Variants in SPAG16 observed in about 807,000 individuals in gnomAD.
The protein encoded by SPAG16 is sperm-associated antigen 16 protein.
In SPAG16, 86 loss-of-function variants were observed where a neutral mutation model predicts 80.4. The observed-to-expected ratio is 1.07, with a 90% CI of 0.90 to 1.28. The LOEUF is 1.28. Ranked by LOEUF, SPAG16 falls within the 50% of genes most tolerant of loss-of-function variation. SPAG16 has a pLI of 0.00. For missense variants in SPAG16, 870 were observed against 765.3 expected (o/e 1.14, Z -1.61); for synonymous variants, 294 against 265.9 (o/e 1.11, Z -1.03).
At chr2:214,405,153 C>CT (rs767236537) in intron 15 of SPAG16, among the ~76,000 whole-genome samples, 1 of 152,012 alleles carries the variant, frequency 6.6e-6, no homozygotes, top group Admixed American at 6.6e-5. Context: ...GAGACAGGGA[C>CT]TTGCGCTACC....
chr2:213,951,428 G>C (rs2079771941), intron 12 of SPAG16, among the ~76,000 whole-genome samples: 1 of 152,088 alleles, frequency 6.6e-6, no homozygotes, highest in Non-Finnish European at 1.5e-5. Context: ...CTTAAAGGTA[G>C]AGAAACATTC....
At chr2:213,688,550 A>C (rs1265550954) in intron 10 of SPAG16, among the ~76,000 whole-genome samples, 1 of 152,212 alleles carries the variant, frequency 6.6e-6, no homozygotes, top group Non-Finnish European at 1.5e-5. Context: ...TCAGATTGGA[A>C]AGTAAGTCAC....
chr2:213,775,955 CTA>C (rs1352297435), intron 10 of SPAG16, among the ~76,000 whole-genome samples: 1 of 152,186 alleles, frequency 6.6e-6, no homozygotes, highest in Non-Finnish European at 1.5e-5. Context: ...CTCCAAATAG[CTA>C]TGATTGCTTT....
chr2:214,410,242 C>T lies in SPAG16; in HGVS notation c.1823C>T (p.Thr608Met), dbSNP rs887882346. ...KLMGHENEAHTVVFSHDGEIL... is the reference protein window; with the variant it reads ...KLMGHENEAHMVVFSHDGEIL... ...ATGGGCCACGAAAACGAGGCACACA[C>T]GGTTGTGTTTTCTCACGACGGGGAG... Residue 608 changes from threonine to methionine, a missense_variant, in exon 16 of 16, where the codon ACG (threonine) becomes ATG (methionine). Coordinates refer to ENST00000331683, the MANE Select transcript of SPAG16 (RefSeq NM_024532.5). 1 of 1,612,062 alleles carries T rather than the reference C, an allele frequency of 6.2e-7. No individual in the cohort carries two copies. The highest frequency in any genetic ancestry group is 1.7e-5 in the Admixed American group (1 of 59,958).
At chr2:213,501,508 T>G (rs1157282486) in intron 10 of SPAG16, among the ~76,000 whole-genome samples, 1 of 152,224 alleles carries the variant, frequency 6.6e-6, no homozygotes, top group East Asian at 1.9e-4. Flanking sequence ...TGCAAAACAC[T>G]ATCAGGGAAC....
intron 6 of SPAG16, among the ~76,000 whole-genome samples, chr2:213,350,031 C>CT (rs1205661777): frequency 1.3e-4 from 20 of 152,074 alleles, no homozygotes; most frequent in African/African-American, 4.8e-4. Flanking sequence ...ATATACTAGG[C>CT]TGAATTATTC....
intron 13 of SPAG16, among the ~76,000 whole-genome samples, chr2:214,053,135 G>C (rs897766039): frequency 1.3e-5 from 2 of 152,152 alleles, no homozygotes; most frequent in Admixed American, 1.3e-4. Context: ...AGAAAGACAA[G>C]GAAGGCATGC....
At chr2:214,018,226 G>T (rs763148249) in intron 13 of SPAG16, among the ~76,000 whole-genome samples, 1 of 151,934 alleles carries the variant, frequency 6.6e-6, no homozygotes, top group Non-Finnish European at 1.5e-5. Context: ...CAACTGTGGC[G>T]ACTTCATTTC....
chr2:214,218,051 A>G (rs983181372), intron 15 of SPAG16, among the ~76,000 whole-genome samples: 5 of 152,222 alleles, frequency 3.3e-5, no homozygotes, highest in African/African-American at 1.2e-4. Context: ...TCCCAGCATA[A>G]ACAAATGTTT....
At chr2:213,323,313 TGTCTGTA>T (rs1355029518) in intron 5 of SPAG16, among the ~76,000 whole-genome samples, 1 of 151,834 alleles carries the variant, frequency 6.6e-6, no homozygotes, top group Admixed American at 6.6e-5. Context: ...TGGTGGTGGG[TGTCTGTA>T]GTCCCAGCTA....
intron 7 of SPAG16, among the ~76,000 whole-genome samples, chr2:213,360,477 C>T (rs905489060): frequency 2.0e-5 from 3 of 152,232 alleles, no homozygotes; most frequent in Non-Finnish European, 4.4e-5. Flanking sequence ...TTAACCTACT[C>T]TCCAAATTAG....
chr2:214,287,236 C>T (rs1693434093), intron 15 of SPAG16, among the ~76,000 whole-genome samples: 1 of 152,186 alleles, frequency 6.6e-6, no homozygotes, highest in African/African-American at 2.4e-5. Flanking sequence ...TCTATCTGTA[C>T]AAGCACTGAA....
At chr2:213,553,937 C>T (rs951336619) in intron 10 of SPAG16, among the ~76,000 whole-genome samples, 1 of 152,170 alleles carries the variant, frequency 6.6e-6, no homozygotes, top group Admixed American at 6.5e-5. Context: ...ACAGACTTGG[C>T]AGTGGGGGAG....
chr2:213,831,416 T>G (rs2073652263), intron 10 of SPAG16, among the ~76,000 whole-genome samples: 2 of 86,954 alleles, frequency 2.3e-5, no homozygotes, highest in African/African-American at 6.3e-5. Context: ...TTCAGGTGTT[T>G]TTTTTTTTTT....
At chr2:214,006,951 C>T (rs1024755214) in intron 12 of SPAG16, among the ~76,000 whole-genome samples, 1 of 152,152 alleles carries the variant, frequency 6.6e-6, no homozygotes. Context: ...CCTTCCCCCC[C>T]ACCACCATAA....
chr2:213,712,599 T>C (rs1049630065), intron 10 of SPAG16, among the ~76,000 whole-genome samples: 1 of 152,150 alleles, frequency 6.6e-6, no homozygotes, highest in African/African-American at 2.4e-5. Context: ...TTGAAAGATA[T>C]AATTTCATTG....
At position 214,395,296 on chromosome 2, in the gene SPAG16, A is replaced by ACTTTG. The variant is rs1289406735; in HGVS notation, c.1721-14844_1721-14843insCTTTG. 4.6e-5 allele frequency among the ~76,000 whole-genome samples: 7 copies of ACTTTG among 152,324 alleles called. No homozygotes were observed. The East Asian group carries it at 1.4e-3, about 29-fold the overall frequency. Reference sequence around the variant, plus strand: ...AGTAAACTGCTAAACCATCTTCCAAAGTAGCTGTAACATTTTGCATCCTCA... The same window carrying ACTTTG: ...AGTAAACTGCTAAACCATCTTCCAAACTTTGGTAGCTGTAACATTTTGCATCCTCA... On this transcript the variant is annotated intron_variant, in intron 15 of 15. Transcript: ENST00000331683.
chr2:214,391,590 CAG>C (rs1210346048), intron 15 of SPAG16, among the ~76,000 whole-genome samples: 1 of 152,088 alleles, frequency 6.6e-6, no homozygotes, highest in Non-Finnish European at 1.5e-5. Flanking sequence ...AAAGGAAACA[CAG>C]AGGATACAAC....
chr2:214,032,030 C>A (rs965360216), intron 13 of SPAG16, among the ~76,000 whole-genome samples: 1 of 152,152 alleles, frequency 6.6e-6, no homozygotes, highest in Admixed American at 6.5e-5. Context: ...AGTCCAAGTT[C>A]CAGTTGCTCA....
Sources: allele counts gnomAD v4.1 joint callset (sites outside exome capture counted in the v4.1 genomes callset), GRCh38; gene constraint gnomAD v4.1.1; transcripts MANE v1.5; gene names NCBI Gene and HGNC (gene_info 2026-07-23, HGNC 2026-07-21).